Variants in ERAP1 observed in about 807,000 individuals in gnomAD.
ERAP1 encodes the protein endoplasmic reticulum aminopeptidase 1, also known as adipocyte-derived leucine aminopeptidase.
ERAP1 carries 86 observed loss-of-function variants against 103.7 expected under a neutral mutation model. The ratio of observed to expected loss-of-function variants is 0.83; its 90% CI spans 0.70 to 0.99. The LOEUF (loss-of-function observed/expected upper bound fraction) is 0.99, where lower values mean the gene tolerates loss of function less well. Ranked by LOEUF, ERAP1 falls within the 50% of genes least tolerant of loss-of-function variation. The probability of loss-of-function intolerance (pLI) is 0.00; values close to 1 mark genes in which losing one functional copy is unlikely to be tolerated. For missense variants in ERAP1, 1,009 were observed against 1,128.4 expected (o/e 0.89, Z 1.52); for synonymous variants, 398 against 402.4 (o/e 0.99, Z 0.13).
rs1426641624 is a variant in ERAP1, at chr5:96,803,549, G to C, written c.378C>G (p.Pro126=). The C allele has an allele frequency of 5.0e-6, 8 of 1,613,370 alleles. No individual in the cohort carries two copies. In the Admixed American group the frequency reaches 5.0e-5, roughly 10 times the overall value. The change falls in exon 2 of 19, where the codon CCC becomes CCG. Residue 126 remains proline (P), a synonymous_variant. Coordinates refer to ENST00000443439, the MANE Select transcript of ERAP1 (RefSeq NM_001040458.3). ...SEEPLQVLEH[P]RQEQIALLAP... ...CCAGCAGTGCAATTTGCTCCTGACG[G>C]GGGTGTTCCAGGACCTGCAGGGGTT...
At chr5:96,820,454 A>G in the ERAP1 span, among the ~76,000 whole-genome samples, 1 of 152,172 alleles carries the variant, frequency 6.6e-6, no homozygotes, top group African/African-American at 2.4e-5. Flanking sequence ...TTAATATGTG[A>G]AAAAACAATA....
At chr5:96,789,351 G>A (rs1776459317) in intron 10 of ERAP1, among the ~76,000 whole-genome samples, 1 of 152,116 alleles carries the variant, frequency 6.6e-6, no homozygotes, top group African/African-American at 2.4e-5. Context: ...ACCGGGTGTA[G>A]TGGCGTGTGC....
the ERAP1 span, chr5:96,913,242 T>C: frequency 8.7e-7 from 1 of 1,152,264 alleles, no homozygotes; most frequent in Non-Finnish European, 1.2e-6. Context: ...ATTCTTTTAA[T>C]ATATTGGTGG....
the ERAP1 span, chr5:96,910,413 T>A: frequency 6.6e-6 from 1 of 152,036 alleles, no homozygotes; most frequent in African/African-American, 2.4e-5. Context: ...CTTTTTGGAC[T>A]TTTTTTCCTT....
the ERAP1 span, chr5:96,915,567 C>G: frequency 2.2e-6 from 1 of 459,002 alleles, no homozygotes; most frequent in East Asian, 3.6e-5. Context: ...TTCACCGTAT[C>G]TATTGTAATA....
rs1226105591 is a variant in ERAP1 at position 96,775,441 on chromosome 5, A to T, written c.*955T>A. 1.0e-6 allele frequency: 1 copy of T among 985,484 alleles called. No homozygotes were observed. Among genetic ancestry groups the T allele is most frequent in the East Asian group, 1.1e-4 (1 of 8,958 alleles). The allele number at this position is 985,484 out of a possible 1,614,324, so 61.0% of individuals were successfully genotyped here. ...CAAATAAGAAGCAGAGAGAGAAAAAAAATCACCTCCCTAAGAAAAGGGTTT... is the reference window on the plus strand; with the variant it reads ...CAAATAAGAAGCAGAGAGAGAAAAATAATCACCTCCCTAAGAAAAGGGTTT... On this transcript the variant is annotated 3_prime_UTR_variant, in exon 19 of 19. Transcript: ENST00000443439.
At chr5:96,816,712 A>G in the ERAP1 span, among the ~76,000 whole-genome samples, 7 of 152,186 alleles carry the variant, frequency 4.6e-5, no homozygotes, top group Non-Finnish European at 8.8e-5. Flanking sequence ...TATCCCTCCC[A>G]TGTGGGCAAA....
chr5:96,819,718 T>C, the ERAP1 span, among the ~76,000 whole-genome samples: 1 of 152,134 alleles, frequency 6.6e-6, no homozygotes, highest in Non-Finnish European at 1.5e-5. Context: ...ATAATCACCC[T>C]CAAGGAAGGT....
the ERAP1 span, chr5:96,903,567 C>T: frequency 6.3e-7 from 1 of 1,585,370 alleles, no homozygotes; most frequent in Admixed American, 1.9e-5. Context: ...TTGGGTAAGG[C>T]AACATTTCCT....
chr5:96,856,365 T>TATATATATATATATATATATATATATAG, the ERAP1 span, among the ~76,000 whole-genome samples: 2 of 20,386 alleles, frequency 9.8e-5, no homozygotes, highest in Non-Finnish European at 2.2e-4. Context: ...TATATATATA[T>TATATATATATATATATATATATATATAG]AGAGAGAGAG....
At chr5:96,853,702 G>A in the ERAP1 span, among the ~76,000 whole-genome samples, 4 of 152,072 alleles carry the variant, frequency 2.6e-5, no homozygotes, top group South Asian at 6.3e-4. Context: ...AGTGGCAGAT[G>A]AGAATTTGGA....
chr5:96,928,538 A>C, the ERAP1 span, among the ~76,000 whole-genome samples: 2 of 152,186 alleles, frequency 1.3e-5, no homozygotes, highest in Non-Finnish European at 2.9e-5. Context: ...CCTAGGAGAT[A>C]GGCCTAGAAC....
the ERAP1 span, among the ~76,000 whole-genome samples, chr5:96,815,548 A>AT: frequency 6.6e-6 from 1 of 151,086 alleles, no homozygotes; most frequent in East Asian, 1.9e-4. Flanking sequence ...AGTAGCTGGG[A>AT]TTACAGGCAT....
At chr5:96,887,678 A>G in the ERAP1 span, among the ~76,000 whole-genome samples, 15 of 152,236 alleles carry the variant, frequency 9.9e-5, no homozygotes. Context: ...GTTGTTTGCA[A>G]AAACTTACAA....
the ERAP1 span, among the ~76,000 whole-genome samples, chr5:96,823,526 G>A: frequency 6.6e-6 from 1 of 152,142 alleles, no homozygotes; most frequent in African/African-American, 2.4e-5. Flanking sequence ...TTCTTAAAAT[G>A]GGCAAAAATC....
chr5:96,846,056 C>T, the ERAP1 span, among the ~76,000 whole-genome samples: 3 of 152,006 alleles, frequency 2.0e-5, no homozygotes, highest in African/African-American at 7.2e-5. Flanking sequence ...ATGCTTGTAT[C>T]AATGTCCTAA....
the ERAP1 span, among the ~76,000 whole-genome samples, chr5:96,846,911 T>C: frequency 2.5e-4 from 38 of 152,126 alleles, no homozygotes; most frequent in East Asian, 6.6e-3. Context: ...GTCATTGGAA[T>C]GGCATAAAAG....
At chr5:96,909,326 C>T in the ERAP1 span, among the ~76,000 whole-genome samples, 2 of 152,170 alleles carry the variant, frequency 1.3e-5, no homozygotes, top group Non-Finnish European at 2.9e-5. Flanking sequence ...AACATCTCTA[C>T]TAAAGGTGAT....
At chr5:96,916,764 T>A in the ERAP1 span, among the ~76,000 whole-genome samples, 1 of 100,004 alleles carries the variant, frequency 1.0e-5, no homozygotes, top group Non-Finnish European at 2.2e-5. Context: ...CACCAGCCTA[T>A]CTTTTTTTTT....
Sources: allele counts gnomAD v4.1 joint callset (sites outside exome capture counted in the v4.1 genomes callset), GRCh38; gene constraint gnomAD v4.1.1; transcripts MANE v1.5; gene names NCBI Gene and HGNC (gene_info 2026-07-23, HGNC 2026-07-21).